FBXO36: variants seen among roughly 807,000 people sequenced by gnomAD.
The protein encoded by FBXO36 is F-box only protein 36.
In FBXO36, 18 loss-of-function variants were observed where a neutral mutation model predicts 17.0. The observed-to-expected ratio is 1.06, with a 90% confidence interval of 0.73 to 1.57. The LOEUF (loss-of-function observed/expected upper bound fraction) is 1.57. FBXO36 is among the 40% of genes most tolerant of loss of function. FBXO36 has a pLI of 0.00. For missense variants in FBXO36, 229 were observed against 221.9 expected (o/e 1.03, Z -0.20); for synonymous variants, 83 against 85.3 (o/e 0.97, Z 0.15).
At position 229,965,364 on chromosome 2, in the gene FBXO36, T is replaced by C. The variant is rs192668272; in HGVS notation, c.97-10877T>C. Among the ~76,000 whole-genome samples the C allele has an allele frequency of 2.6e-5, 4 of 150,972 alleles. No individual in the cohort carries two copies. In the East Asian group the frequency reaches 7.7e-4, roughly 29 times the overall value. On this transcript the variant is annotated intron_variant, in intron 1 of 3. Transcript: ENST00000283946. ...TTTTTTTTTCTTTTTTATTTATTTA[T>C]TTTTTATATATTTATATTCTTTTAT... is the stretch of plus-strand genomic sequence containing the variant.
In FBXO36 at chr2:230,010,867, A is replaced by G. The variant is rs1560460037; in HGVS notation, c.550A>G (p.Arg184Gly). The change falls in exon 4 of 4, where the codon AGA becomes GGA. Residue 184 changes from arginine to glycine, a missense_variant. By Grantham distance (125) the Arg-to-Gly change is moderately radical. Transcript: ENST00000283946. Reference sequence around the variant, plus strand: ...GAGGAAACAAAAATATGGAAACCTGAGAGAAAAGCAACCTTAGGCACACAT... The same window carrying G: ...GAGGAAACAAAAATATGGAAACCTGGGAGAAAAGCAACCTTAGGCACACAT... ...RKRKQKYGNL[R>G]EKQP is the part of the protein sequence containing the mutation. The G allele has an allele frequency of 6.2e-7, 1 of 1,611,742 alleles. No individual in the cohort carries two copies. The highest frequency in any genetic ancestry group is 8.5e-7 in the Non-Finnish European group (1 of 1,178,578).
intron 2 of FBXO36, among the ~76,000 whole-genome samples, chr2:229,979,890 G>A (rs1450855004): frequency 6.6e-6 from 1 of 151,342 alleles, no homozygotes; most frequent in Non-Finnish European, 1.5e-5. Context: ...AAAAAAAAAA[G>A]AACAATCATA....
chr2:229,949,919 C>T (rs978601931), intron 1 of FBXO36, among the ~76,000 whole-genome samples: 2 of 152,120 alleles, frequency 1.3e-5, no homozygotes, highest in Non-Finnish European at 2.9e-5. Context: ...AGCGAGACTC[C>T]GTCTCAAAAC....
At chr2:230,003,472 T>C (rs547155435) in intron 3 of FBXO36, among the ~76,000 whole-genome samples, 2 of 152,156 alleles carry the variant, frequency 1.3e-5, no homozygotes, top group African/African-American at 2.4e-5. Flanking sequence ...GCAAAATATC[T>C]CTGGCACATT....
intron 3 of FBXO36, among the ~76,000 whole-genome samples, chr2:230,008,763 C>T (rs1018631204): frequency 6.6e-6 from 1 of 152,172 alleles, no homozygotes; most frequent in African/African-American, 2.4e-5. Flanking sequence ...CATATTAAGA[C>T]ATTTTTAAAG....
chr2:229,981,384 A>AT lies in FBXO36; in HGVS notation c.205+5047dup, dbSNP rs111710890. ...GACAAAATACCTGATATATGAACAG[A>AT]TTTTTTTTTTTTGAGACAGGATCTC... On this transcript the variant is annotated intron_variant, in intron 2 of 3. Coordinates refer to ENST00000283946, the MANE Select transcript of FBXO36 (RefSeq NM_174899.5). Among the ~76,000 whole-genome samples, 464 of 147,684 alleles carry AT rather than the reference A, an allele frequency of 3.1e-3. 1 individual carries two copies. The highest frequency in any genetic ancestry group is 3.5e-3 in the East Asian group (18 of 5,074).
intron 1 of FBXO36, among the ~76,000 whole-genome samples, chr2:229,965,145 TCC>T (rs2077144540): frequency 7.5e-6 from 1 of 133,850 alleles, no homozygotes; most frequent in African/African-American, 2.6e-5. Context: ...CTTTCTTCCT[TCC>T]TTTTTTTTTT....
chr2:229,942,507 A>G (rs1481190880), intron 1 of FBXO36, among the ~76,000 whole-genome samples: 4 of 152,188 alleles, frequency 2.6e-5, no homozygotes, highest in Non-Finnish European at 4.4e-5. Flanking sequence ...CACCATGATT[A>G]GAAGTCATGG....
intron 1 of FBXO36, among the ~76,000 whole-genome samples, chr2:229,937,122 C>T (rs562283124): frequency 3.8e-4 from 58 of 152,184 alleles, no homozygotes; most frequent in African/African-American, 1.4e-3. Flanking sequence ...AATTAAACTT[C>T]GATTTCAGCG....
At chr2:229,923,841 G>A (rs1465404529) in intron 1 of FBXO36, among the ~76,000 whole-genome samples, 4 of 140,662 alleles carry the variant, frequency 2.8e-5, no homozygotes, top group Non-Finnish European at 6.1e-5. Flanking sequence ...CTTTTTTTTT[G>A]GTGTTGTTTT....
chr2:229,926,929 G>A (rs934872537), intron 1 of FBXO36, among the ~76,000 whole-genome samples: 5 of 151,568 alleles, frequency 3.3e-5, no homozygotes, highest in Admixed American at 6.6e-5. Flanking sequence ...GGGTGATCTC[G>A]GCTCACTGCA....
intron 2 of FBXO36, among the ~76,000 whole-genome samples, chr2:229,980,123 C>T (rs2106197886): frequency 6.6e-6 from 1 of 152,242 alleles, no homozygotes; most frequent in African/African-American, 2.4e-5. Context: ...TCTCAGCTCA[C>T]TGCAACCTCC....
intron 1 of FBXO36, among the ~76,000 whole-genome samples, chr2:229,926,860 GT>G (rs796678026): frequency 2.7e-5 from 4 of 147,734 alleles, no homozygotes; most frequent in Admixed American, 6.8e-5. Context: ...AAGGATCTTT[GT>G]TTTTTTTTTG....
intron 1 of FBXO36, among the ~76,000 whole-genome samples, chr2:229,948,254 A>T (rs1369198874): frequency 6.6e-6 from 1 of 152,084 alleles, no homozygotes. Flanking sequence ...CATCATTGAT[A>T]TTGGTGTTCT....
intron 1 of FBXO36, among the ~76,000 whole-genome samples, chr2:229,948,783 G>T (rs897904045): frequency 6.6e-6 from 1 of 152,130 alleles, no homozygotes; most frequent in Non-Finnish European, 1.5e-5. Flanking sequence ...ATGGAAAGGG[G>T]CCTGGTTCCC....
chr2:229,932,289 C>T (rs894446467), intron 1 of FBXO36, among the ~76,000 whole-genome samples: 11 of 151,360 alleles, frequency 7.3e-5, no homozygotes, highest in South Asian at 2.1e-4. Context: ...AGGAGGCTGA[C>T]GCGGATGGAT....
At position 229,922,582 on chromosome 2, in the gene FBXO36, T is replaced by G. The variant is rs1419898008; in HGVS notation, c.69T>G (p.Tyr23Ter). Residue 23 changes from tyrosine (Y) to a stop codon, truncating the protein, a stop_gained, in exon 1 of 4, where the codon TAT becomes TAG. Transcript: ENST00000283946. LOFTEE classifies it high-confidence loss of function. Reference protein sequence around the residue: ...VGQGPPPSKDYYQLLVTRSQV... With the variant: ...VGQGPPPSKD Reference sequence around the variant, plus strand: ...AAGGCCCGCCGCCTAGCAAAGACTATTACCAGTTACTGGTCACCCGGTCTC... The same window carrying G: ...AAGGCCCGCCGCCTAGCAAAGACTAGTACCAGTTACTGGTCACCCGGTCTC... 1 of 1,614,076 alleles carries G rather than the reference T, an allele frequency of 6.2e-7. No individual in the cohort carries two copies.
chr2:229,964,415 C>G (rs1277894232), intron 1 of FBXO36, among the ~76,000 whole-genome samples: 5 of 152,136 alleles, frequency 3.3e-5, no homozygotes, highest in African/African-American at 1.2e-4. Flanking sequence ...TGTTAACATG[C>G]CGTAAATGGA....
At chr2:229,959,752 A>C (rs2077111048) in intron 1 of FBXO36, among the ~76,000 whole-genome samples, 1 of 152,032 alleles carries the variant, frequency 6.6e-6, no homozygotes, top group Admixed American at 6.6e-5. Context: ...AGACTGAGGC[A>C]GGAGAATGGC....
Sources: allele counts gnomAD v4.1 joint callset (sites outside exome capture counted in the v4.1 genomes callset), GRCh38; gene constraint gnomAD v4.1.1; transcripts MANE v1.5; gene names NCBI Gene and HGNC (gene_info 2026-07-23, HGNC 2026-07-21).